PLAT: variants seen among roughly 807,000 people sequenced by gnomAD.
PLAT encodes tissue-type plasminogen activator.
PLAT carries 48 observed loss-of-function variants against 74.9 expected under a neutral mutation model. The ratio of observed to expected loss-of-function variants is 0.64; its 90% CI spans 0.51 to 0.82. The LOEUF (loss-of-function observed/expected upper bound fraction) is 0.82, where lower values mean the gene tolerates loss of function less well. PLAT is among the 40% of genes least tolerant of loss of function. The probability of loss-of-function intolerance (pLI) is 0.00; values close to 1 mark genes in which losing one functional copy is unlikely to be tolerated. For synonymous variants in PLAT, 307 were observed against 294.4 expected (o/e 1.04, Z -0.44); for missense variants, 673 against 736.2 (o/e 0.91, Z 0.99).
At chr8:42,205,710 C>T (rs757672023) in intron 1 of PLAT, among the ~76,000 whole-genome samples, 3 of 152,160 alleles carry the variant, frequency 2.0e-5, no homozygotes, top group Admixed American at 6.5e-5. Flanking sequence ...CAGACCGAAC[C>T]GGTGCACATC....
At chr8:42,177,945 C>G (rs8178792) in intron 13 of PLAT, among the ~76,000 whole-genome samples, 2,135 of 152,326 alleles carry the variant, frequency 0.014, 53 homozygotes, top group African/African-American at 0.049. Flanking sequence ...AGGAGAGCTT[C>G]GCACGCTGCA....
rs767663903 is a variant in PLAT, at chr8:42,174,908, C to T, written c.*1085G>A. Among the ~76,000 whole-genome samples, 2 of 152,150 alleles carry T rather than the reference C, an allele frequency of 1.3e-5. No homozygotes were observed. Among genetic ancestry groups the T allele is most frequent in the African/African-American group, 2.4e-5 (1 of 41,432 alleles). The stretch of plus-strand genomic sequence containing the variant: ...CTTTTCCACACCTGTCCACAGTCCA[C>T]GTCTCACCCAGTTATTTTTTCCTTA... On this transcript the variant is annotated 3_prime_UTR_variant, in exon 14 of 14. Transcript: ENST00000220809.
At chr8:42,183,913 T>TA (rs1805346877) in intron 7 of PLAT, among the ~76,000 whole-genome samples, 1 of 151,876 alleles carries the variant, frequency 6.6e-6, no homozygotes, top group African/African-American at 2.4e-5. Flanking sequence ...ATATGTGTAT[T>TA]ACATATATAT....
intron 1 of PLAT, among the ~76,000 whole-genome samples, chr8:42,199,105 C>T (rs78359749): frequency 5.9e-5 from 9 of 152,318 alleles, no homozygotes; most frequent in African/African-American, 2.2e-4. Flanking sequence ...CCAGGCCCTG[C>T]ATAGTACAGA....
At chr8:42,203,992 T>TATATATATATATATATATATATATATAC (rs1554499838) in intron 1 of PLAT, among the ~76,000 whole-genome samples, 4 of 109,862 alleles carry the variant, frequency 3.6e-5, no homozygotes, top group African/African-American at 2.1e-4. Flanking sequence ...TATATATATA[T>TATATATATATATATATATATATATATAC]ACACACACAC....
intron 1 of PLAT, among the ~76,000 whole-genome samples, chr8:42,196,250 A>G (rs1357019894): frequency 6.6e-6 from 1 of 152,174 alleles, no homozygotes; most frequent in African/African-American, 2.4e-5. Flanking sequence ...AACGGTCTGA[A>G]TAAGAGATAA....
At chr8:42,187,362 C>T in intron 6 of PLAT, 36 bp downstream of exon 6, 2 of 1,514,374 alleles carry the variant, frequency 1.3e-6, no homozygotes, top group Non-Finnish European at 8.9e-7. Context: ...AGCAGCTTCT[C>T]ACAGGGGGAA....
intron 1 of PLAT, among the ~76,000 whole-genome samples, chr8:42,206,225 T>C (rs966258505): frequency 2.0e-5 from 3 of 152,208 alleles, no homozygotes; most frequent in Non-Finnish European, 4.4e-5. Flanking sequence ...GCTTTATCAT[T>C]TGATCCAGAG....
intron 3 of PLAT, 40 bp from the exon 4 acceptor site, chr8:42,189,111 CAAAAT>C (rs1277874764): frequency 6.3e-7 from 1 of 1,598,264 alleles, no homozygotes; most frequent in Non-Finnish European, 8.6e-7. Flanking sequence ...GAGTATGACT[CAAAAT>C]GAAATGCCTC....
chr8:42,194,309 C>A (rs930745120), intron 1 of PLAT, among the ~76,000 whole-genome samples: 1 of 148,564 alleles, frequency 6.7e-6, no homozygotes, highest in African/African-American at 2.5e-5. Flanking sequence ...CTATGTTGTC[C>A]AGGCTAGTCT....
rs1204589559 is a variant in PLAT at position 42,180,066 on chromosome 8, G to A, written c.1223C>T (p.Ala408Val). 1.9e-6 allele frequency: 3 copies of A among 1,603,466 alleles called. No individual in the cohort carries two copies. Among genetic ancestry groups the A allele is most frequent in the East Asian group, 2.2e-5 (1 of 44,682 alleles). The change falls in exon 12 of 14, where the codon GCG becomes GTG. Residue 408 changes from alanine (A) to valine (V), a missense_variant and splice_region_variant. Transcript: ENST00000220809. ...CGAATCCGATTTCAGCTGCAGCAGC[G>A]CTGGGAGGGAGAAAGGAGGAGTGAG... ...FDDDTYDNDI[A>V]LLQLKSDSSR...
chr8:42,177,849 G>A (rs572479664), intron 13 of PLAT, among the ~76,000 whole-genome samples: 10 of 152,298 alleles, frequency 6.6e-5, no homozygotes, highest in African/African-American at 2.4e-4. Context: ...CGATATGACT[G>A]CCTTGCGAAA....
intron 4 of PLAT, among the ~76,000 whole-genome samples, chr8:42,188,679 T>C (rs1053744664): frequency 7.2e-5 from 11 of 152,186 alleles, no homozygotes; most frequent in African/African-American, 2.7e-4. Flanking sequence ...TCACTGAGGT[T>C]GAAATGCAGT....
intron 1 of PLAT, among the ~76,000 whole-genome samples, chr8:42,205,743 C>T (rs750856671): frequency 1.3e-5 from 2 of 152,204 alleles, no homozygotes; most frequent in African/African-American, 2.4e-5. Context: ...ATTAATGTCT[C>T]ATGTCTCCCT....
chr8:42,204,254 G>C (rs1249110054), intron 1 of PLAT, among the ~76,000 whole-genome samples: 2 of 151,866 alleles, frequency 1.3e-5, no homozygotes, highest in Non-Finnish European at 1.5e-5. Flanking sequence ...CTAGGACGAG[G>C]TTTATAGCCT....
In PLAT at chr8:42,188,957, T is replaced by G; in HGVS notation, c.230A>C (p.Gln77Pro). Reference protein sequence around the residue: ...EYCWCNSGRAQCHSVPVKSCS... With the variant: ...EYCWCNSGRAPCHSVPVKSCS... ...ACTTTTGACAGGCACTGAGTGGCAC[T>G]GTGCCCTGCCACTGTTGCACCAGCA... The change falls in exon 4 of 14, where the codon CAG becomes CCG. Residue 77 changes from glutamine (Q) to proline (P), a missense_variant. Physicochemically the swap from Gln to Pro is moderately conservative, Grantham distance 76. Coordinates refer to ENST00000220809, the MANE Select transcript of PLAT (RefSeq NM_000930.5). The G allele has an allele frequency of 1.9e-6, 3 of 1,613,824 alleles. No homozygotes were observed. Among genetic ancestry groups the G allele is most frequent in the Non-Finnish European group, 2.5e-6 (3 of 1,179,768 alleles).
At chr8:42,184,043 C>T (rs1277934391) in intron 7 of PLAT, among the ~76,000 whole-genome samples, 8 of 151,882 alleles carry the variant, frequency 5.3e-5, no homozygotes, top group Non-Finnish European at 1.0e-4. Context: ...TGGGCTCAAG[C>T]GATCCTCCCA....
chr8:42,176,166 G>A lies in PLAT; in HGVS notation c.1531-15C>T, dbSNP rs771392028. 3.3e-5 allele frequency: 53 copies of A among 1,606,450 alleles called. No homozygotes were observed. Among genetic ancestry groups the A allele is most frequent in the South Asian group, 1.8e-4 (16 of 90,396 alleles). On this transcript the variant is annotated splice_polypyrimidine_tract_variant and intron_variant, in intron 13 of 13. Coordinates refer to ENST00000220809, the MANE Select transcript of PLAT (RefSeq NM_000930.5). ...CCCGAATCGCCCTGCAAAGGAGATA[G>A]CAGGTTTGGCGTTTGCAAAAAAAGC...
At position 42,185,071 on chromosome 8, in the gene PLAT, T is replaced by A; in HGVS notation, c.631+10A>T. ...GACATTCAGGGAAAGGCGGGGTGGC[T>A]GCCACTTACCCTCAGAGCAGGCAGG... On this transcript the variant is annotated intron_variant, in intron 7 of 13. Coordinates refer to ENST00000220809, the MANE Select transcript of PLAT (RefSeq NM_000930.5). 8.2e-6 allele frequency: 13 copies of A among 1,580,370 alleles called. No homozygotes were observed. The highest frequency in any genetic ancestry group is 1.1e-5 in the Non-Finnish European group (13 of 1,161,572).
Sources: gnomAD v4.1 joint callset for allele counts (sites outside exome capture counted in the v4.1 genomes callset) on GRCh38, gnomAD v4.1.1 for gene constraint, MANE v1.5 for transcripts, NCBI Gene and HGNC (gene_info 2026-07-23, HGNC 2026-07-21) for gene names.